The following USP34 variants were observed in gnomAD, a reference collection of about 807,000 sequenced individuals.
USP34 encodes ubiquitin carboxyl-terminal hydrolase 34.
A neutral mutation model predicts 460.3 loss-of-function variants in USP34; 70 were observed. That is an observed-to-expected ratio of 0.15 (90% confidence interval 0.13 to 0.19). USP34 has a LOEUF of 0.19. Among genes scored for constraint, USP34 ranks in the 10% least tolerant of loss-of-function variants. The pLI is 1.00. For synonymous variants in USP34, 1,647 were observed against 1,405.3 expected, an observed-to-expected ratio of 1.17 and a Z score of -3.85; for missense variants, 3,985 against 4,236.2, an observed-to-expected ratio of 0.94 and a Z score of 1.65.
intron 1 of USP34, among the ~76,000 whole-genome samples, chr2:61,443,589 G>C (rs998479210): frequency 6.6e-6 from 1 of 151,944 alleles, no homozygotes; most frequent in Non-Finnish European, 1.5e-5. Context: ...GCAACATACT[G>C]TATGATTTCA....
At chr2:61,459,463 A>C (rs992760095) in intron 1 of USP34, among the ~76,000 whole-genome samples, 2 of 152,170 alleles carry the variant, frequency 1.3e-5, no homozygotes, top group African/African-American at 2.4e-5. Context: ...ACCTCCTAAA[A>C]TTTGGGCACA....
chr2:61,267,858 C>T (rs1689099271), intron 41 of USP34, among the ~76,000 whole-genome samples: 1 of 151,960 alleles, frequency 6.6e-6, no homozygotes, highest in African/African-American at 2.4e-5. Flanking sequence ...CTTCGTGATC[C>T]ATCTGCCAGC....
At chr2:61,436,083 A>G (rs1694805471) in intron 1 of USP34, among the ~76,000 whole-genome samples, 1 of 152,124 alleles carries the variant, frequency 6.6e-6, no homozygotes, top group African/African-American at 2.4e-5. Flanking sequence ...AAAAAATTCA[A>G]CAATATGCTG....
chr2:61,300,146 A>G (rs1295047785), intron 29 of USP34, among the ~76,000 whole-genome samples: 1 of 152,228 alleles, frequency 6.6e-6, no homozygotes, highest in African/African-American at 2.4e-5. Flanking sequence ...CTTATTAGGT[A>G]TAAAACAAAA....
chr2:61,301,631 T>C (rs1414240980), intron 27 of USP34, among the ~76,000 whole-genome samples, 177 bp from the exon 28 acceptor site: 3 of 152,228 alleles, frequency 2.0e-5, no homozygotes, highest in Non-Finnish European at 4.4e-5. Flanking sequence ...ATTAAGTCCT[T>C]TTAGCTGCCT....
chr2:61,256,587 T>C (rs941392609), intron 47 of USP34, 109 bp from the exon 48 acceptor site: 2 of 834,568 alleles, frequency 2.4e-6, no homozygotes, highest in Non-Finnish European at 3.5e-6. Context: ...AAAATTTTTT[T>C]TTTAAAAGTG....
At chr2:61,458,763 TC>T (rs1695511875) in intron 1 of USP34, among the ~76,000 whole-genome samples, 1 of 151,802 alleles carries the variant, frequency 6.6e-6, no homozygotes, top group African/African-American at 2.4e-5. Context: ...CCCACTTGAA[TC>T]TTCCATCTTC....
intron 10 of USP34, among the ~76,000 whole-genome samples, chr2:61,358,943 T>C (rs1692190142): frequency 6.6e-6 from 1 of 152,150 alleles, no homozygotes; most frequent in African/African-American, 2.4e-5. Context: ...CTACAAAACA[T>C]TGCTAAAATA....
Position 61,263,020 on chromosome 2 carries a change from T to G in USP34, c.5778+2377A>C, listed in dbSNP as rs577143174. Among the ~76,000 whole-genome samples, 243 of 152,190 alleles carry G rather than the reference T, an allele frequency of 1.6e-3. 1 individual carries two copies. Among genetic ancestry groups the G allele is most frequent in the African/African-American group, 5.4e-3 (225 of 41,528 alleles). Reference sequence around the variant, plus strand: ...TCTGTTCATGTCCTTTGTCCACTTTTTTTTTTAAGATAGAGTCTTGCTCTG... The same window carrying G: ...TCTGTTCATGTCCTTTGTCCACTTTGTTTTTTAAGATAGAGTCTTGCTCTG... On this transcript the variant is annotated intron_variant, in intron 43 of 79. Coordinates refer to ENST00000398571, the MANE Select transcript of USP34 (RefSeq NM_014709.4).
chr2:61,353,453 G>A (rs1158249039), intron 10 of USP34, among the ~76,000 whole-genome samples: 1 of 149,466 alleles, frequency 6.7e-6, no homozygotes, highest in Admixed American at 6.7e-5. Flanking sequence ...GTGCAGTGGT[G>A]CGATCTCAGC....
At chr2:61,319,561 G>A (rs1690850934) in intron 21 of USP34, among the ~76,000 whole-genome samples, 1 of 150,888 alleles carries the variant, frequency 6.6e-6, no homozygotes, top group African/African-American at 2.4e-5. Flanking sequence ...AAGAATCACA[G>A]CAGCCAGGTG....
Position 61,281,183 on chromosome 2 carries a change from A to C in USP34, c.5058T>G (p.Asp1686Glu). ...GLYKLSLSGLDGGDSINRSFL... is the reference protein window; with the variant it reads ...GLYKLSLSGLEGGDSINRSFL... Reference sequence around the variant, plus strand: ...AAGAACGATTGATTGAGTCTCCTCCATCCAGCCCTGACAGGGATAACTTAT... The same window carrying C: ...AAGAACGATTGATTGAGTCTCCTCCCTCCAGCCCTGACAGGGATAACTTAT... Residue 1686 changes from aspartate to glutamate, a missense_variant, in exon 38 of 80, where the codon GAT becomes GAG. Asp to Glu is a conservative substitution (Grantham distance 45). Coordinates refer to ENST00000398571, the MANE Select transcript of USP34 (RefSeq NM_014709.4). The C allele has an allele frequency of 5.0e-6, 8 of 1,614,140 alleles. No individual in the cohort carries two copies. Among genetic ancestry groups the C allele is most frequent in the Non-Finnish European group, 6.8e-6 (8 of 1,179,982 alleles).
intron 75 of USP34, chr2:61,200,252 C>G (rs1012771746): frequency 2.4e-4 from 36 of 152,280 alleles, no homozygotes; most frequent in African/African-American, 8.7e-4. Flanking sequence ...AAGGGGTCTC[C>G]CCATGTTGCC....
chr2:61,438,321 A>G (rs1310737988), intron 1 of USP34, among the ~76,000 whole-genome samples: 1 of 152,196 alleles, frequency 6.6e-6, no homozygotes, highest in Admixed American at 6.5e-5. Context: ...GATTAAAAAA[A>G]AAACTCTAGG....
At chr2:61,239,300 TCACA>T (rs60152908) in intron 53 of USP34, among the ~76,000 whole-genome samples, 19,629 of 132,320 alleles carry the variant, frequency 0.15, 1,470 homozygotes, top group South Asian at 0.22. Context: ...GAGGGCCCTG[TCACA>T]CACACACACA....
At chr2:61,372,614 G>C (rs1447031935) in intron 8 of USP34, among the ~76,000 whole-genome samples, 2 of 152,162 alleles carry the variant, frequency 1.3e-5, no homozygotes, top group East Asian at 3.9e-4. Context: ...AGGAGGTTGA[G>C]GTGGGAGGAT....
At chr2:61,413,341 A>C (rs1339171777) in intron 2 of USP34, among the ~76,000 whole-genome samples, 80 of 145,532 alleles carry the variant, frequency 5.5e-4, no homozygotes, top group East Asian at 1.7e-3. Flanking sequence ...CAGTGAGCCA[A>C]GATCGCGCCA....
Position 61,214,219 on chromosome 2 carries a change from C to G in USP34, c.8523G>C (p.Gln2841His). 1.9e-6 allele frequency: 3 copies of G among 1,614,236 alleles called. No individual in the cohort carries two copies. The highest frequency in any genetic ancestry group is 2.5e-6 in the Non-Finnish European group (3 of 1,180,040). Residue 2841 changes from glutamine (Q) to histidine (H), a missense_variant, in exon 68 of 80, where the codon CAG becomes CAC. Physicochemically the swap from Gln to His is conservative, Grantham distance 24 (BLOSUM62 0). Coordinates refer to ENST00000398571, the MANE Select transcript of USP34 (RefSeq NM_014709.4). Reference sequence around the variant, plus strand: ...TCCCACGGTTAAAAAGCACCACATCCTGATCATCATGGTCAGCAAGGATGT... The same window carrying G: ...TCCCACGGTTAAAAAGCACCACATCGTGATCATCATGGTCAGCAAGGATGT... ...FNYILADHDD[Q>H]DVVLFNRGML...
At chr2:61,425,890 G>A (rs767063896) in intron 1 of USP34, among the ~76,000 whole-genome samples, 1 of 151,896 alleles carries the variant, frequency 6.6e-6, no homozygotes, top group Non-Finnish European at 1.5e-5. Context: ...TGTTTGAGGA[G>A]AGAAGGAAGA....
Sources: allele counts gnomAD v4.1 joint callset (sites outside exome capture counted in the v4.1 genomes callset), GRCh38; gene constraint gnomAD v4.1.1; transcripts MANE v1.5; gene names NCBI Gene and HGNC (gene_info 2026-07-23, HGNC 2026-07-21).